The following TDP2 variants were observed in gnomAD, a reference collection of about 807,000 sequenced individuals.
The protein encoded by TDP2 is 5'-Tyr-DNA phosphodiesterase.
Under a neutral mutation model 42.8 loss-of-function variants are expected in TDP2, and 38 were observed. That is an observed-to-expected ratio of 0.89 (90% CI 0.68 to 1.16). The LOEUF (loss-of-function observed/expected upper bound fraction) is 1.16. TDP2 is among the 50% of genes most tolerant of loss of function. The pLI, the probability that TDP2 is intolerant of heterozygous loss-of-function variation, is 0.00. For synonymous variants in TDP2, 173 were observed against 150.6 expected (o/e 1.15, Z -1.09); for missense variants, 439 against 439.3 (o/e 1.00, Z 0.01).
Position 24,665,616 on chromosome 6 carries a change from T to A in TDP2, c.251+910A>T, listed in dbSNP as rs553075689. ...TATTGGGAGCTTATTATGTGTCAAA[T>A]GTTGTGTCAGACTTTGGGAAATTAA... On this transcript the variant is annotated intron_variant, in intron 2 of 6. Transcript: ENST00000378198. Among the ~76,000 whole-genome samples, 34 of 152,348 alleles carry A rather than the reference T, an allele frequency of 2.2e-4. 1 individual carries two copies. The South Asian group carries it at 6.8e-3, about 31-fold the overall frequency.
chr6:24,662,018 T>C (rs1248712302), intron 2 of TDP2, among the ~76,000 whole-genome samples: 2 of 152,150 alleles, frequency 1.3e-5, no homozygotes, highest in African/African-American at 4.8e-5. Context: ...GTGCAGGATG[T>C]GCTTTGTTAA....
chr6:24,655,905 A>G (rs1027948844), intron 4 of TDP2, among the ~76,000 whole-genome samples: 1 of 152,218 alleles, frequency 6.6e-6, no homozygotes, highest in Admixed American at 6.5e-5. Flanking sequence ...TCTACAATCA[A>G]TCCCTCACCC....
At position 24,666,706 on chromosome 6, in the gene TDP2, C is replaced by A; in HGVS notation, c.157G>T (p.Glu53Ter). The change falls in exon 1 of 7, where the codon GAG becomes TAG. Residue 53 changes from glutamate (E) to a stop codon, truncating the protein, a stop_gained. Coordinates refer to ENST00000378198, the MANE Select transcript of TDP2 (RefSeq NM_016614.3). LOFTEE classifies it high-confidence loss of function. ...GGACAGCGAAAGCGTACTTCCATCT[C>A]CCAGTCGTTCTCGGCCAGGAAGCAC... ...AQCFLAENDW[E>*]MERALNSYFE... 6.2e-7 allele frequency: 1 copy of A among 1,614,260 alleles called. No homozygotes were observed. Among genetic ancestry groups the A allele is most frequent in the Non-Finnish European group, 8.5e-7 (1 of 1,180,044 alleles).
chr6:24,665,916 T>C (rs1274820777), intron 2 of TDP2: 1 of 570,350 alleles, frequency 1.8e-6, no homozygotes, highest in Admixed American at 4.0e-5. Flanking sequence ...TTTACGAAGT[T>C]TCAAAGACAG....
intron 5 of TDP2, among the ~76,000 whole-genome samples, chr6:24,654,141 TAGAGTAG>T (rs773171595): frequency 6.6e-6 from 1 of 152,182 alleles, no homozygotes; most frequent in Non-Finnish European, 1.5e-5. Context: ...GCAGCATGTA[TAGAGTAG>T]AAAGTAAAAA....
intron 2 of TDP2, among the ~76,000 whole-genome samples, chr6:24,661,122 C>T (rs1309598890): frequency 6.6e-6 from 1 of 152,204 alleles, no homozygotes; most frequent in Non-Finnish European, 1.5e-5. Context: ...CTGTTGTTCA[C>T]TGAACTTTCC....
intron 5 of TDP2, among the ~76,000 whole-genome samples, chr6:24,653,358 C>T (rs763456894): frequency 1.2e-4 from 19 of 152,210 alleles, no homozygotes; most frequent in Non-Finnish European, 1.9e-4. Flanking sequence ...CAAGCACGAC[C>T]TACCCCCAGA....
In TDP2 at chr6:24,654,483, C is replaced by T. The variant is rs746943158; in HGVS notation, c.565G>A (p.Val189Met). The T allele has an allele frequency of 1.3e-5, 20 of 1,586,244 alleles. No individual in the cohort carries two copies. Among genetic ancestry groups the T allele is most frequent in the Non-Finnish European group, 1.6e-5 (19 of 1,163,446 alleles). ...ATAATCTCTTGGCTTTTTAATTTCA[C>T]TCTTGATTTCTTCAACATTATAGCT... ...FTAIMLKKSRVKLKSQEIIPF... is the reference protein window; with the variant it reads ...FTAIMLKKSRMKLKSQEIIPF... Residue 189 changes from valine (V) to methionine (M), a missense_variant, in exon 5 of 7, where the codon GTG becomes ATG. Coordinates refer to ENST00000378198, the MANE Select transcript of TDP2 (RefSeq NM_016614.3).
rs531985039 is a variant in TDP2 at position 24,666,469 on chromosome 6, C to T, written c.251+57G>A. 11 of 1,570,672 alleles carry T rather than the reference C, an allele frequency of 7.0e-6. No individual in the cohort carries two copies. In the East Asian group the frequency reaches 2.0e-4, roughly 29 times the overall value. ...ACGGCAGGTCCCAGGACGCGCAGGG[C>T]TACCTGGTATCAAACTGCCTCCGTG... On this transcript the variant is annotated intron_variant, in intron 2 of 6. Coordinates refer to ENST00000378198, the MANE Select transcript of TDP2 (RefSeq NM_016614.3).
At chr6:24,654,303 G>A (rs1490664999) in intron 5 of TDP2, 109 bp downstream of exon 5, 2 of 560,100 alleles carry the variant, frequency 3.6e-6, no homozygotes, top group Non-Finnish European at 6.1e-6. Context: ...GAATCTACAT[G>A]TGTGAAGCAA....
At chr6:24,654,334 G>T in intron 5 of TDP2, 78 bp downstream of exon 5, 1 of 737,882 alleles carries the variant, frequency 1.4e-6, no homozygotes, top group Non-Finnish European at 2.1e-6. Context: ...AAAGGCAATG[G>T]TTTTAAAAAG....
rs1369384017 is a variant in TDP2 at position 24,650,038 on chromosome 6, C to T, written c.*750G>A. Reference sequence around the variant, plus strand: ...GGGGAAAATATTTTTCTTTAAAGCACACTTAAAAGTAATTTGCATTTACTT... The same window carrying T: ...GGGGAAAATATTTTTCTTTAAAGCATACTTAAAAGTAATTTGCATTTACTT... On this transcript the variant is annotated 3_prime_UTR_variant, in exon 7 of 7. Transcript: ENST00000378198. 1 of 152,178 alleles carries T rather than the reference C, an allele frequency of 6.6e-6. No individual in the cohort carries two copies. Among genetic ancestry groups the T allele is most frequent in the Admixed American group, 6.5e-5 (1 of 15,282 alleles). 9.4% of individuals were successfully genotyped at this position (152,178 alleles called of 1,614,324 possible). A position where few individuals can be genotyped will look rare whatever the true frequency, so the allele number is the denominator to read the frequency against.
At chr6:24,663,743 C>T (rs999873214) in intron 2 of TDP2, among the ~76,000 whole-genome samples, 1 of 152,160 alleles carries the variant, frequency 6.6e-6, no homozygotes, top group Non-Finnish European at 1.5e-5. Context: ...CTTCCTGAGG[C>T]CCAGCAGAGG....
At chr6:24,662,242 G>T (rs1339960115) in intron 2 of TDP2, among the ~76,000 whole-genome samples, 1 of 152,010 alleles carries the variant, frequency 6.6e-6, no homozygotes. Context: ...CCCAAAAAGG[G>T]TCTGTGTTGA....
intron 6 of TDP2, among the ~76,000 whole-genome samples, chr6:24,651,594 A>AT (rs36036133): frequency 0.22 from 32,101 of 147,262 alleles, 3,875 homozygotes; most frequent in Non-Finnish European, 0.29. Context: ...CATTTTAACA[A>AT]TTTTTTTTTT....
Position 24,652,990 on chromosome 6 carries a change from T to G in TDP2, c.800A>C (p.Asp267Ala), listed in dbSNP as rs1406127234. Residue 267 changes from aspartate to alanine, a missense_variant, in exon 6 of 7, where the codon GAT becomes GCT. Physicochemically the swap from Asp to Ala is moderately radical, Grantham distance 126 (BLOSUM62 -2). Transcript: ENST00000378198. ...VIFAGDTNLRDREVTRCGGLP... is the reference protein window; with the variant it reads ...VIFAGDTNLRAREVTRCGGLP... ...ACTGACTTTGTCACTCACCTCTCGA[T>G]CCCTTAGATTTGTATCTCCTGCAAA... The G allele has an allele frequency of 6.2e-7, 1 of 1,613,264 alleles. No homozygotes were observed. The highest frequency in any genetic ancestry group is 2.2e-5 in the East Asian group (1 of 44,878).
intron 2 of TDP2, 193 bp from the exon 3 acceptor site, chr6:24,658,927 C>T (rs1778099357): frequency 1.4e-5 from 8 of 585,194 alleles, no homozygotes; most frequent in Non-Finnish European, 2.4e-5. Context: ...TCACGCTGCA[C>T]TTTGGCCCAC....
chr6:24,656,894 AG>A (rs1778068551), intron 4 of TDP2, among the ~76,000 whole-genome samples: 4 of 152,214 alleles, frequency 2.6e-5, no homozygotes, highest in Admixed American at 2.6e-4. Flanking sequence ...TAAACCAAGA[AG>A]GAAGCATGGG....
intron 2 of TDP2, among the ~76,000 whole-genome samples, chr6:24,665,069 C>T (rs1357296888): frequency 6.6e-6 from 1 of 152,180 alleles, no homozygotes; most frequent in Non-Finnish European, 1.5e-5. Flanking sequence ...AGGAAACAAA[C>T]ATGTCACAGA....
Sources: allele counts gnomAD v4.1 joint callset (sites outside exome capture counted in the v4.1 genomes callset), GRCh38; gene constraint gnomAD v4.1.1; transcripts MANE v1.5; gene names NCBI Gene and HGNC (gene_info 2026-07-23, HGNC 2026-07-21).